The following ADAM22 variants were observed in gnomAD, a reference collection of about 807,000 sequenced individuals.
The protein encoded by ADAM22 is disintegrin and metalloproteinase domain-containing protein 22.
ADAM22 carries 65 observed loss-of-function variants against 144.6 expected under a neutral mutation model. The ratio of observed to expected loss-of-function variants is 0.45; its 90% confidence interval spans 0.37 to 0.55. ADAM22 has a LOEUF of 0.55. Among genes scored for constraint, ADAM22 ranks in the 20% least tolerant of loss-of-function variants. ADAM22 has a pLI of 0.00. For missense variants in ADAM22, 974 were observed against 1,184.9 expected (o/e 0.82, Z 2.61); for synonymous variants, 391 against 412.6 (o/e 0.95, Z 0.63).
chr7:88,018,542 A>T (rs146640737), intron 3 of ADAM22, among the ~76,000 whole-genome samples: 72 of 152,342 alleles, frequency 4.7e-4, no homozygotes, highest in African/African-American at 1.7e-3. Flanking sequence ...AATAAAATAG[A>T]TGATGGAATT....
intron 29 of ADAM22, among the ~76,000 whole-genome samples, chr7:88,183,314 T>C (rs756717700): frequency 1.5e-4 from 23 of 152,306 alleles, no homozygotes; most frequent in South Asian, 4.1e-4. Flanking sequence ...CCTTAACTTA[T>C]TTTAGTTGCT....
chr7:87,999,594 A>G (rs940078114), intron 3 of ADAM22, among the ~76,000 whole-genome samples: 3 of 152,340 alleles, frequency 2.0e-5, no homozygotes, highest in African/African-American at 7.2e-5. Context: ...TTTTTAATAC[A>G]TAATTACAGA....
At chr7:88,025,696 T>G (rs959999435) in intron 3 of ADAM22, among the ~76,000 whole-genome samples, 1 of 152,244 alleles carries the variant, frequency 6.6e-6, no homozygotes, top group African/African-American at 2.4e-5. Context: ...GATTTGTTTC[T>G]TGGTTCTCTA....
chr7:88,002,033 C>T (rs1192766147), intron 3 of ADAM22, among the ~76,000 whole-genome samples: 5 of 151,934 alleles, frequency 3.3e-5, no homozygotes, highest in South Asian at 4.2e-4. Flanking sequence ...GTTGCAAAAG[C>T]CTAATGTTAT....
At chr7:88,004,878 AT>A (rs1184386233) in intron 3 of ADAM22, among the ~76,000 whole-genome samples, 1 of 152,028 alleles carries the variant, frequency 6.6e-6, no homozygotes, top group Non-Finnish European at 1.5e-5. Context: ...TTTCCAAATA[AT>A]TTTTTCTCTC....
intron 26 of ADAM22, among the ~76,000 whole-genome samples, chr7:88,173,933 G>A (rs1008742544): frequency 2.6e-5 from 4 of 152,162 alleles, no homozygotes; most frequent in Admixed American, 1.3e-4. Flanking sequence ...GAGGAAGGCA[G>A]CATTCATTGA....
At chr7:88,056,976 C>T (rs954779752) in intron 3 of ADAM22, among the ~76,000 whole-genome samples, 1 of 152,142 alleles carries the variant, frequency 6.6e-6, no homozygotes, top group Admixed American at 6.5e-5. Flanking sequence ...CCTTTCAAAA[C>T]TTATACAGCC....
chr7:88,043,199 T>C (rs935579390), intron 3 of ADAM22, among the ~76,000 whole-genome samples: 1 of 151,946 alleles, frequency 6.6e-6, no homozygotes, highest in African/African-American at 2.4e-5. Context: ...CTGTATATAT[T>C]AGTACAGATA....
At chr7:88,181,775 T>C (rs1057251348) in intron 28 of ADAM22, among the ~76,000 whole-genome samples, 170 bp downstream of exon 28, 2 of 152,200 alleles carry the variant, frequency 1.3e-5, no homozygotes, top group African/African-American at 4.8e-5. Flanking sequence ...AATGATGGGA[T>C]TCGGCAGCAC....
chr7:88,067,409 A>T (rs1264535684), intron 3 of ADAM22, among the ~76,000 whole-genome samples: 3 of 133,560 alleles, frequency 2.2e-5, no homozygotes, highest in Non-Finnish European at 4.7e-5. Flanking sequence ...CCCCCACCCC[A>T]CAACAGTCCC....
chr7:87,952,633 G>A (rs1011502216), intron 2 of ADAM22, among the ~76,000 whole-genome samples: 1 of 151,926 alleles, frequency 6.6e-6, no homozygotes, highest in African/African-American at 2.4e-5. Flanking sequence ...CCTGGCTTTG[G>A]TATCAGGATG....
At chr7:88,008,779 G>A (rs982240804) in intron 3 of ADAM22, among the ~76,000 whole-genome samples, 3 of 151,954 alleles carry the variant, frequency 2.0e-5, no homozygotes, top group African/African-American at 7.3e-5. Context: ...ATAGCATTAG[G>A]AGATATACCT....
rs139161355 is a variant in ADAM22 at position 87,987,604 on chromosome 7, G to T, written c.323+9192G>T. 2.0e-3 allele frequency among the ~76,000 whole-genome samples: 308 copies of T among 152,330 alleles called. 2 individuals carry two copies. Among genetic ancestry groups the T allele is most frequent in the African/African-American group, 7.1e-3 (295 of 41,560 alleles). On this transcript the variant is annotated intron_variant, in intron 3 of 31. Coordinates refer to ENST00000413139, the MANE Select transcript of ADAM22 (RefSeq NM_001324418.2). ...GACATATTTAATGTAATTTGTTTAT[G>T]ATATGGCTGTTAAACTATTGGATGA...
rs1586687150 is a variant in ADAM22, at chr7:88,196,553, G to A, written c.*62G>A. On this transcript the variant is annotated 3_prime_UTR_variant, in exon 32 of 32. Transcript: ENST00000413139. ...TACTTCAACTTTTATAGAAACCCAG[G>A]CTCATGGAATCACTGCAAATCTATC... 8 of 1,559,962 alleles carry A rather than the reference G, an allele frequency of 5.1e-6. No individual in the cohort carries two copies. The South Asian group carries it at 6.7e-5, about 13-fold the overall frequency.
intron 3 of ADAM22, among the ~76,000 whole-genome samples, chr7:87,980,423 T>C (rs1853087830): frequency 6.6e-6 from 1 of 151,940 alleles, no homozygotes; most frequent in Non-Finnish European, 1.5e-5. Context: ...GTGGTTTCAG[T>C]TTGTGTATTG....
chr7:88,152,283 T>C (rs1342456288), intron 20 of ADAM22, among the ~76,000 whole-genome samples: 2 of 152,186 alleles, frequency 1.3e-5, no homozygotes, highest in Non-Finnish European at 2.9e-5. Context: ...TACCAACAAT[T>C]ATCCTTTGAT....
chr7:88,111,259 G>A (rs1825968275), intron 5 of ADAM22, among the ~76,000 whole-genome samples: 1 of 151,966 alleles, frequency 6.6e-6, no homozygotes, highest in Admixed American at 6.6e-5. Context: ...TGTTTTGGGG[G>A]GATGTTATGA....
chr7:88,177,013 C>T (rs902136619), intron 26 of ADAM22, among the ~76,000 whole-genome samples: 3 of 152,340 alleles, frequency 2.0e-5, no homozygotes, highest in East Asian at 1.9e-4. Flanking sequence ...GATCTGCCCG[C>T]TTCGGCCTCC....
intron 4 of ADAM22, among the ~76,000 whole-genome samples, chr7:88,106,657 TG>T (rs1268336121): frequency 6.6e-6 from 1 of 152,222 alleles, no homozygotes; most frequent in Non-Finnish European, 1.5e-5. Flanking sequence ...AATAGAAGAT[TG>T]GTGACAGGAT....
Sources: allele counts gnomAD v4.1 joint callset (sites outside exome capture counted in the v4.1 genomes callset), GRCh38; gene constraint gnomAD v4.1.1; transcripts MANE v1.5; gene names NCBI Gene and HGNC (gene_info 2026-07-23, HGNC 2026-07-21).